ZRANB1: variants seen among roughly 807,000 people sequenced by gnomAD.
ZRANB1 encodes ubiquitin thioesterase ZRANB1.
Under a neutral mutation model 80.5 loss-of-function variants are expected in ZRANB1, and 16 were observed. That is an observed-to-expected ratio of 0.20 (90% CI 0.13 to 0.30). ZRANB1 has a LOEUF of 0.30. Ranked by LOEUF, ZRANB1 falls within the 10% of genes least tolerant of loss-of-function variation. The pLI is 1.00. For synonymous variants in ZRANB1, 291 were observed against 293.1 expected (o/e 0.99, Z 0.07); for missense variants, 576 against 862.6 (o/e 0.67, Z 4.16).
At chr10:124,965,396 A>G (rs1951768257) in intron 1 of ZRANB1, among the ~76,000 whole-genome samples, 1 of 152,216 alleles carries the variant, frequency 6.6e-6, no homozygotes. Flanking sequence ...TATTGGAGTC[A>G]TGTTTTCACT....
chr10:124,969,462 C>T (rs1278987035), intron 2 of ZRANB1, among the ~76,000 whole-genome samples: 1 of 152,096 alleles, frequency 6.6e-6, no homozygotes, highest in Non-Finnish European at 1.5e-5. Flanking sequence ...AGAGAATGCT[C>T]AGCCAAGTTC....
chr10:124,982,003 A>T (rs1057140817), intron 6 of ZRANB1, among the ~76,000 whole-genome samples, 174 bp downstream of exon 6: 3 of 152,058 alleles, frequency 2.0e-5, no homozygotes, highest in Non-Finnish European at 4.4e-5. Context: ...AATAAATAGC[A>T]TCGCAAGTAT....
intron 1 of ZRANB1, among the ~76,000 whole-genome samples, chr10:124,949,145 A>T (rs1033505744): frequency 2.0e-5 from 3 of 151,896 alleles, no homozygotes; most frequent in Non-Finnish European, 4.4e-5. Context: ...TAATTTCTCT[A>T]CCTCCCTACT....
chr10:124,937,015 C>G, the ZRANB1 span, among the ~76,000 whole-genome samples: 1 of 151,752 alleles, frequency 6.6e-6, no homozygotes, highest in Non-Finnish European at 1.5e-5. Context: ...AGTGCAGTGG[C>G]GCAATCTCTG....
intron 5 of ZRANB1, among the ~76,000 whole-genome samples, chr10:124,976,839 T>C (rs535386828): frequency 6.6e-6 from 1 of 152,120 alleles, no homozygotes; most frequent in South Asian, 2.1e-4. Context: ...CCCAAAGTGC[T>C]AGGATTACAG....
rs1437913631 is a variant in ZRANB1 at position 124,980,258 on chromosome 10, T to G, written c.1428-1451T>G. ...GATTTGGTTTGCTTGTCTGTTCTTA[T>G]GGAGACTCTGGTAGTATCAGAGTTT... On this transcript the variant is annotated intron_variant, in intron 5 of 8. Transcript: ENST00000359653. Among the ~76,000 whole-genome samples the G allele has an allele frequency of 2.0e-5, 3 of 152,196 alleles. No homozygotes were observed. In the East Asian group the frequency reaches 5.8e-4, roughly 29 times the overall value.
At chr10:124,947,795 C>G (rs558227521) in intron 1 of ZRANB1, among the ~76,000 whole-genome samples, 2 of 152,268 alleles carry the variant, frequency 1.3e-5, no homozygotes, top group Non-Finnish European at 2.9e-5. Flanking sequence ...TTTGGCTCTA[C>G]CTTCAAAATA....
chr10:124,925,938 C>T, the ZRANB1 span, among the ~76,000 whole-genome samples: 3 of 152,166 alleles, frequency 2.0e-5, no homozygotes, highest in African/African-American at 7.2e-5. Flanking sequence ...TAGCCTACTG[C>T]ACAGTAGGCC....
intron 3 of ZRANB1, among the ~76,000 whole-genome samples, chr10:124,972,361 A>G (rs1951834667): frequency 1.3e-5 from 2 of 152,208 alleles, no homozygotes; most frequent in South Asian, 2.1e-4. Context: ...TGGACCTCAG[A>G]TTATTTTTTA....
chr10:124,970,833 G>GTTT (rs34391929), intron 2 of ZRANB1, among the ~76,000 whole-genome samples: 1,725 of 85,342 alleles, frequency 0.02, 29 homozygotes, highest in Non-Finnish European at 0.028. Flanking sequence ...TCTCTTTGGG[G>GTTT]TTTTTTTTTT....
chr10:124,971,773 C>G (rs1469634206), intron 2 of ZRANB1, among the ~76,000 whole-genome samples, 192 bp from the exon 3 acceptor site: 1 of 152,130 alleles, frequency 6.6e-6, no homozygotes, highest in African/African-American at 2.4e-5. Context: ...GAGGATAAAA[C>G]ATTTTTGTGA....
At chr10:124,932,631 C>A in the ZRANB1 span, among the ~76,000 whole-genome samples, 4 of 152,062 alleles carry the variant, frequency 2.6e-5, no homozygotes, top group Non-Finnish European at 5.9e-5. Flanking sequence ...TTCTTGATAG[C>A]ATTTGTTAGT....
rs778022551 is a variant in ZRANB1, at chr10:124,972,080, A to G, written c.1118A>G (p.Tyr373Cys). ...CAGAGAAAGGGGGATTTTGCTTGCT[A>G]TTTTCTGACTGACCTTGTAACATTT... ...LHQRKGDFACYFLTDLVTFTL... is the reference protein window; with the variant it reads ...LHQRKGDFACCFLTDLVTFTL... The change falls in exon 3 of 9, where the codon TAT (tyrosine) becomes TGT (cysteine). Residue 373 changes from tyrosine to cysteine, a missense_variant. Around this residue, in one of 3 missense-constraint regions of ZRANB1, gnomAD observed 411 missense variants for 583.1 expected, o/e 0.70. Transcript: ENST00000359653. 1.9e-6 allele frequency: 3 copies of G among 1,613,842 alleles called. No individual in the cohort carries two copies. Among genetic ancestry groups the G allele is most frequent in the South Asian group, 1.1e-5 (1 of 91,022 alleles).
the ZRANB1 span, among the ~76,000 whole-genome samples, chr10:124,931,857 C>T: frequency 6.6e-6 from 1 of 152,118 alleles, no homozygotes; most frequent in Non-Finnish European, 1.5e-5. Flanking sequence ...ACATAATTTA[C>T]AGTAGGATTC....
At chr10:124,964,818 C>T (rs952945159) in intron 1 of ZRANB1, among the ~76,000 whole-genome samples, 4 of 152,138 alleles carry the variant, frequency 2.6e-5, no homozygotes, top group African/African-American at 7.2e-5. Flanking sequence ...AGGGAAAGGT[C>T]GTTGCCTTCA....
At chr10:124,934,336 T>C in the ZRANB1 span, among the ~76,000 whole-genome samples, 1 of 152,226 alleles carries the variant, frequency 6.6e-6, no homozygotes, top group South Asian at 2.1e-4. Context: ...GTGACCTCTT[T>C]TTATAGGAAT....
intron 1 of ZRANB1, among the ~76,000 whole-genome samples, chr10:124,965,355 G>T (rs922598561): frequency 1.3e-5 from 2 of 152,124 alleles, no homozygotes; most frequent in Admixed American, 1.3e-4. Flanking sequence ...TTGAGGAGAG[G>T]ATCGAAATTT....
At chr10:124,953,507 C>T (rs189683139) in intron 1 of ZRANB1, among the ~76,000 whole-genome samples, 1 of 152,266 alleles carries the variant, frequency 6.6e-6, no homozygotes, top group East Asian at 1.9e-4. Flanking sequence ...ATAAATATGC[C>T]TGTATGAAGC....
chr10:124,961,298 G>T (rs1485580936), intron 1 of ZRANB1, among the ~76,000 whole-genome samples: 1 of 152,162 alleles, frequency 6.6e-6, no homozygotes, highest in Non-Finnish European at 1.5e-5. Context: ...GAGCCACTGA[G>T]CCCAGCTGGA....
Sources: gnomAD v4.1 joint callset for allele counts (sites outside exome capture counted in the v4.1 genomes callset) on GRCh38, gnomAD v4.1.1 for gene constraint, gnomAD v4.1.1 regional missense constraint, MANE v1.5 for transcripts, NCBI Gene and HGNC (gene_info 2026-07-23, HGNC 2026-07-21) for gene names.